PTPN3: variants seen among roughly 807,000 people sequenced by gnomAD.
The protein encoded by PTPN3 is tyrosine-protein phosphatase non-receptor type 3.
In PTPN3, 96 loss-of-function variants were observed where a neutral mutation model predicts 132.7. The ratio of observed to expected loss-of-function variants is 0.72; its 90% CI spans 0.61 to 0.86. The LOEUF (loss-of-function observed/expected upper bound fraction) is 0.86. PTPN3 is among the 40% of genes least tolerant of loss of function. The probability of loss-of-function intolerance (pLI) is 0.00; values close to 1 mark genes in which losing one functional copy is unlikely to be tolerated. For synonymous variants in PTPN3, 398 were observed against 429.0 expected, an observed-to-expected ratio of 0.93 and a Z score of 0.89; for missense variants, 1,125 against 1,159.6, an observed-to-expected ratio of 0.97 and a Z score of 0.43.
intron 21 of PTPN3, among the ~76,000 whole-genome samples, chr9:109,390,480 T>C (rs1839975252): frequency 6.6e-6 from 1 of 152,120 alleles, no homozygotes; most frequent in African/African-American, 2.4e-5. Flanking sequence ...CAGATAGCAT[T>C]AGGAGATATA....
In PTPN3 at chr9:109,422,705, A is replaced by AC; in HGVS notation, c.1136+12_1136+13insG. 1 of 1,580,234 alleles carries AC rather than the reference A, an allele frequency of 6.3e-7. No individual in the cohort carries two copies. Among genetic ancestry groups the AC allele is most frequent in the Non-Finnish European group, 8.6e-7 (1 of 1,166,718 alleles). On this transcript the variant is annotated intron_variant, in intron 13 of 25. Transcript: ENST00000374541. The stretch of plus-strand genomic sequence containing the variant: ...TGTTGGGTAGTACAAAAAAAAAAAA[A>AC]AGGAGGACATACCAGTTGGGAGTAA...
intron 25 of PTPN3, 30 bp from the exon 26 acceptor site, chr9:109,379,663 T>G: frequency 6.3e-7 from 1 of 1,578,048 alleles, no homozygotes; most frequent in Non-Finnish European, 8.7e-7. Context: ...TGTCAAGTCC[T>G]GTAGCTCCAG....
At chr9:109,486,801 G>A (rs962024395) in intron 1 of PTPN3, among the ~76,000 whole-genome samples, 1 of 152,084 alleles carries the variant, frequency 6.6e-6, no homozygotes, top group East Asian at 1.9e-4. Context: ...GAATCATGGG[G>A]GCAGTTACCC....
At chr9:109,414,142 C>T (rs1190027031) in intron 14 of PTPN3, among the ~76,000 whole-genome samples, 1 of 152,202 alleles carries the variant, frequency 6.6e-6, no homozygotes, top group Non-Finnish European at 1.5e-5. Flanking sequence ...CCAAGAGGAT[C>T]ACCCGAGGTG....
chr9:109,404,339 A>T (rs1222977653), intron 19 of PTPN3, 109 bp downstream of exon 19: 5 of 846,758 alleles, frequency 5.9e-6, no homozygotes, highest in Non-Finnish European at 8.3e-6. Context: ...AATCATCTCG[A>T]CCAAGGAAAC....
Position 109,427,077 on chromosome 9 carries a change from G to T in PTPN3, c.874C>A (p.Arg292=), listed in dbSNP as rs767821078. ...GATTTCCACAAGTTTTTGCAAGATC[G>T]GTAATTCAGCATGTTGAAGGCCACA... The part of the protein sequence containing the change: ...HIVAFNMLNY[R]SCKNLWKSCV... Residue 292 remains arginine (R), a synonymous_variant, in exon 12 of 26, where the codon CGA becomes AGA. Transcript: ENST00000374541. The T allele has an allele frequency of 1.9e-6, 3 of 1,614,106 alleles. No homozygotes were observed. Among genetic ancestry groups the T allele is most frequent in the Non-Finnish European group, 1.7e-6 (2 of 1,179,976 alleles).
At chr9:109,474,043 T>C (rs1846515437) in intron 1 of PTPN3, among the ~76,000 whole-genome samples, 1 of 152,114 alleles carries the variant, frequency 6.6e-6, no homozygotes, top group South Asian at 2.1e-4. Flanking sequence ...TTGGGTGGGT[T>C]GCAAAGAAAT....
At position 109,396,967 on chromosome 9, in the gene PTPN3, A is replaced by G. The variant is rs76960674; in HGVS notation, c.1954-5406T>C. On this transcript the variant is annotated intron_variant, in intron 19 of 25. Transcript: ENST00000374541. ...TGGCTCTAACCAGCGGATGCTGGCA[A>G]GGCCCAGCAAGTGGAAGCAAGCACT... Among the ~76,000 whole-genome samples the G allele has an allele frequency of 6.1e-3, 933 of 152,334 alleles. 5 individuals are homozygous for G. Among genetic ancestry groups the G allele is most frequent in the African/African-American group, 0.022 (903 of 41,574 alleles).
chr9:109,497,846 G>A (rs1847743129), intron 1 of PTPN3, among the ~76,000 whole-genome samples: 1 of 151,724 alleles, frequency 6.6e-6, no homozygotes, highest in Non-Finnish European at 1.5e-5. Context: ...CCCCGAGCCG[G>A]GGTCGCGGCG....
chr9:109,488,167 C>T lies in PTPN3; in HGVS notation c.-18+10052G>A, dbSNP rs528820315. ...GCTGGAGTGAAGTGGCATGATCTGG[C>T]TCACTGCAACCTCTGCCCCCACACC... On this transcript the variant is annotated intron_variant, in intron 1 of 25. Coordinates refer to ENST00000374541, the MANE Select transcript of PTPN3 (RefSeq NM_002829.4). Among the ~76,000 whole-genome samples, 49 of 145,478 alleles carry T rather than the reference C, an allele frequency of 3.4e-4. 2 individuals carry two copies. The South Asian group carries it at 8.7e-3, about 26-fold the overall frequency.
At chr9:109,383,031 C>T (rs908423696) in intron 23 of PTPN3, among the ~76,000 whole-genome samples, 1 of 152,196 alleles carries the variant, frequency 6.6e-6, no homozygotes, top group Admixed American at 6.5e-5. Context: ...CGACTCTAGG[C>T]ACTTCACAGA....
chr9:109,418,310 T>C (rs1820008688), intron 14 of PTPN3, among the ~76,000 whole-genome samples: 1 of 152,206 alleles, frequency 6.6e-6, no homozygotes, highest in Admixed American at 6.5e-5. Context: ...GACTTGGGAA[T>C]GAATGCAAGC....
intron 1 of PTPN3, among the ~76,000 whole-genome samples, chr9:109,490,195 AC>A (rs766518555): frequency 5.9e-5 from 9 of 151,876 alleles, no homozygotes; most frequent in Non-Finnish European, 1.2e-4. Flanking sequence ...AAAAAACAAA[AC>A]AAAAACAAAA....
At chr9:109,500,811 C>T (rs905979122), upstream of PTPN3, among the ~76,000 whole-genome samples, 5 of 151,370 alleles carry the variant, frequency 3.3e-5, no homozygotes, top group Non-Finnish European at 7.4e-5. Context: ...CCTGTGGCCT[C>T]AGCTACATGG....
the PTPN3 span, chr9:109,533,447 G>C: frequency 6.7e-7 from 1 of 1,498,162 alleles, no homozygotes; most frequent in Non-Finnish European, 9.2e-7. Context: ...CACCTGGCCG[G>C]TTTAGGGTTT....
At chr9:109,419,885 CAT>C (rs1348096890) in intron 14 of PTPN3, among the ~76,000 whole-genome samples, 1 of 152,114 alleles carries the variant, frequency 6.6e-6, no homozygotes, top group African/African-American at 2.4e-5. Context: ...GGAGGTAGGA[CAT>C]AAAAATTTAA....
the PTPN3 span, chr9:109,533,616 G>GAT: frequency 6.5e-7 from 1 of 1,527,512 alleles, no homozygotes; most frequent in African/African-American, 1.4e-5. Flanking sequence ...CTATATCCCT[G>GAT]ATATATACTC....
intron 13 of PTPN3, among the ~76,000 whole-genome samples, chr9:109,420,890 AG>A (rs1224014107): frequency 2.0e-5 from 3 of 152,184 alleles, no homozygotes; most frequent in African/African-American, 7.2e-5. Flanking sequence ...TATTGACTTA[AG>A]GGTAAGTTAT....
chr9:109,475,756 C>G (rs888382509), intron 1 of PTPN3, among the ~76,000 whole-genome samples: 4 of 152,168 alleles, frequency 2.6e-5, no homozygotes, highest in African/African-American at 9.7e-5. Context: ...AAGAAAACAG[C>G]TAAAGTCACT....
Sources: allele counts gnomAD v4.1 joint callset (sites outside exome capture counted in the v4.1 genomes callset), GRCh38; gene constraint gnomAD v4.1.1; transcripts MANE v1.5; gene names NCBI Gene and HGNC (gene_info 2026-07-23, HGNC 2026-07-21).